The following MICU1 variants were observed in gnomAD, a reference collection of about 807,000 sequenced individuals.
MICU1 encodes the protein calcium uptake protein 1, mitochondrial.
Under a neutral mutation model 56.8 loss-of-function variants are expected in MICU1, and 45 were observed. That is an observed-to-expected ratio of 0.79 (90% CI 0.62 to 1.02). The LOEUF (loss-of-function observed/expected upper bound fraction) is 1.02. Ranked by LOEUF, MICU1 falls within the 50% of genes least tolerant of loss-of-function variation. The pLI, the probability that MICU1 is intolerant of heterozygous loss-of-function variation, is 0.00. For synonymous variants in MICU1, 186 were observed against 195.1 expected (o/e 0.95, Z 0.39); for missense variants, 504 against 587.1 (o/e 0.86, Z 1.46).
intron 8 of MICU1, among the ~76,000 whole-genome samples, chr10:72,466,796 A>C (rs1042115631): frequency 5.3e-5 from 8 of 152,166 alleles, no homozygotes; most frequent in African/African-American, 1.9e-4. Flanking sequence ...ATGTCCCTTG[A>C]TACGGTCATT....
intron 9 of MICU1, among the ~76,000 whole-genome samples, chr10:72,421,014 A>AAT (rs1396509492): frequency 2.1e-5 from 3 of 140,472 alleles, no homozygotes; most frequent in Non-Finnish European, 3.1e-5. Flanking sequence ...AAAAAAAAAA[A>AAT]AAAATAATAA....
At chr10:72,387,587 C>T (rs1862932231) in intron 10 of MICU1, among the ~76,000 whole-genome samples, 1 of 152,026 alleles carries the variant, frequency 6.6e-6, no homozygotes, top group Non-Finnish European at 1.5e-5. Flanking sequence ...TTAATAAAGG[C>T]TTCTGAAGGC....
At chr10:72,451,151 A>C (rs1170825954) in intron 8 of MICU1, among the ~76,000 whole-genome samples, 1 of 149,874 alleles carries the variant, frequency 6.7e-6, no homozygotes, top group Non-Finnish European at 1.5e-5. Flanking sequence ...CAGCCTCCCA[A>C]GTAGCTGGGA....
At chr10:72,439,394 C>T (rs1003880377) in intron 8 of MICU1, among the ~76,000 whole-genome samples, 4 of 152,130 alleles carry the variant, frequency 2.6e-5, no homozygotes, top group Non-Finnish European at 5.9e-5. Flanking sequence ...ACTGATGGAC[C>T]GTATCTCAAA....
intron 10 of MICU1, among the ~76,000 whole-genome samples, chr10:72,400,718 C>T (rs1236204854): frequency 6.6e-6 from 1 of 152,050 alleles, no homozygotes; most frequent in Non-Finnish European, 1.5e-5. Context: ...TGCACTCCAA[C>T]CTGGGCAACA....
chr10:72,485,021 A>G (rs549594485), intron 6 of MICU1, among the ~76,000 whole-genome samples: 23 of 152,318 alleles, frequency 1.5e-4, no homozygotes, highest in African/African-American at 5.5e-4. Context: ...TGACAGAGAC[A>G]TTATCACCCA....
At chr10:72,572,449 A>T (rs1029972901) in intron 1 of MICU1, among the ~76,000 whole-genome samples, 5 of 151,992 alleles carry the variant, frequency 3.3e-5, no homozygotes, top group Admixed American at 3.3e-4. Context: ...TGCATTTTTG[A>T]CTCCCAAATA....
chr10:72,565,662 G>A (rs1840412964), intron 2 of MICU1, among the ~76,000 whole-genome samples: 1 of 151,700 alleles, frequency 6.6e-6, no homozygotes, highest in Admixed American at 6.6e-5. Context: ...ATTAGCCATG[G>A]TGGTGCACAC....
rs576514682 is a variant in MICU1 at position 72,470,814 on chromosome 10, T to C, written c.933+4286A>G. 3.9e-5 allele frequency among the ~76,000 whole-genome samples: 6 copies of C among 152,288 alleles called. No individual in the cohort carries two copies. In the South Asian group the frequency reaches 1.2e-3, roughly 32 times the overall value. On this transcript the variant is annotated intron_variant, in intron 8 of 11. Coordinates refer to ENST00000361114, the MANE Select transcript of MICU1 (RefSeq NM_001195518.2). The stretch of plus-strand genomic sequence containing the variant: ...AGCCACTTACAGAACACTTACTACA[T>C]GTTAGGCTGCATTCTTTCACAAGAG...
intron 1 of MICU1, among the ~76,000 whole-genome samples, chr10:72,587,333 G>T (rs1841089885): frequency 6.6e-6 from 1 of 151,806 alleles, no homozygotes; most frequent in East Asian, 1.9e-4. Context: ...CAAGCATGGT[G>T]GTGTGTGCCT....
chr10:72,548,839 G>T (rs1839959586), intron 4 of MICU1, among the ~76,000 whole-genome samples: 1 of 152,150 alleles, frequency 6.6e-6, no homozygotes, highest in African/African-American at 2.4e-5. Flanking sequence ...TGGGATTACA[G>T]GTGTGCACCA....
At chr10:72,528,942 T>C (rs1454202068) in intron 5 of MICU1, among the ~76,000 whole-genome samples, 17 of 152,178 alleles carry the variant, frequency 1.1e-4, no homozygotes, top group Admixed American at 1.1e-3. Context: ...TTTCACCTAG[T>C]AAAAGAGAAT....
chr10:72,453,028 G>A (rs1212839737), intron 8 of MICU1, among the ~76,000 whole-genome samples: 1 of 152,194 alleles, frequency 6.6e-6, no homozygotes, highest in Non-Finnish European at 1.5e-5. Context: ...TCACGAGGCA[G>A]AGGAGGCTCC....
intron 6 of MICU1, among the ~76,000 whole-genome samples, chr10:72,507,537 T>C (rs1867294168): frequency 6.6e-6 from 1 of 152,198 alleles, no homozygotes; most frequent in Non-Finnish European, 1.5e-5. Flanking sequence ...ATATGTGTTA[T>C]TGGAGAAGCA....
At chr10:72,556,064 A>C (rs1167409393) in intron 3 of MICU1, among the ~76,000 whole-genome samples, 1 of 152,174 alleles carries the variant, frequency 6.6e-6, no homozygotes, top group Non-Finnish European at 1.5e-5. Context: ...ACCTGGAAAA[A>C]GTAGCAGGCA....
chr10:72,430,747 G>A (rs1564863259), intron 8 of MICU1, among the ~76,000 whole-genome samples: 1 of 152,030 alleles, frequency 6.6e-6, no homozygotes, highest in Non-Finnish European at 1.5e-5. Context: ...TTTTAGTGGA[G>A]ACGTGGTTTC....
intron 5 of MICU1, chr10:72,531,799 A>G (rs1839491641): frequency 6.6e-6 from 1 of 152,098 alleles, no homozygotes; most frequent in South Asian, 2.1e-4. Flanking sequence ...TTATCAAGCG[A>G]AAGACTTCAT....
intron 4 of MICU1, among the ~76,000 whole-genome samples, chr10:72,534,696 T>C (rs556617259): frequency 6.6e-6 from 1 of 152,300 alleles, no homozygotes; most frequent in East Asian, 1.9e-4. Context: ...CATCAGATTA[T>C]CATTGCTCCC....
At position 72,427,735 on chromosome 10, in the gene MICU1, T is replaced by TAAATAA. The variant is rs1357466396; in HGVS notation, c.934-4365_934-4364insTTATTT. ...AGCATCATAGACCCCATCTCTAAAA[T>TAAATAA]ATATATATATATATATATATATATA... is the stretch of plus-strand genomic sequence containing the variant. On this transcript the variant is annotated intron_variant, in intron 8 of 11. Transcript: ENST00000361114. Among the ~76,000 whole-genome samples the TAAATAA allele has an allele frequency of 4.7e-3, 31 of 6,578 alleles. 1 individual carries two copies. Among genetic ancestry groups the TAAATAA allele is most frequent in the African/African-American group, 0.012 (30 of 2,524 alleles). 4.3% of individuals were successfully genotyped at this position (6,578 alleles called of 152,430 possible).
Sources: gnomAD v4.1 joint callset for allele counts (sites outside exome capture counted in the v4.1 genomes callset) on GRCh38, gnomAD v4.1.1 for gene constraint, MANE v1.5 for transcripts, NCBI Gene and HGNC (gene_info 2026-07-23, HGNC 2026-07-21) for gene names.